Variants in CRAMP1 observed in about 807,000 individuals in gnomAD.
The protein encoded by CRAMP1 is cramped chromatin regulator 1.
In CRAMP1, 50 loss-of-function variants were observed where a neutral mutation model predicts 115.4. That is an observed-to-expected ratio of 0.43 (90% confidence interval 0.35 to 0.55). The LOEUF is 0.55. Among genes scored for constraint, CRAMP1 ranks in the 20% least tolerant of loss-of-function variants. CRAMP1 has a pLI of 0.01. For missense variants in CRAMP1, 1,679 were observed against 1,721.7 expected, an observed-to-expected ratio of 0.98 and a Z score of 0.44; for synonymous variants, 866 against 745.4, an observed-to-expected ratio of 1.16 and a Z score of -2.64.
intron 10 of CRAMP1, 41 bp from the exon 11 acceptor site, chr16:1,659,843 CAT>C (rs762871302): frequency 2.5e-6 from 4 of 1,580,456 alleles, no homozygotes; most frequent in Non-Finnish European, 3.5e-6. Context: ...AGCCATTTCT[CAT>C]GTGCTGAGTT....
intron 3 of CRAMP1, among the ~76,000 whole-genome samples, chr16:1,627,857 G>C (rs898017138): frequency 6.6e-6 from 1 of 152,136 alleles, no homozygotes; most frequent in Non-Finnish European, 1.5e-5. Flanking sequence ...GCGATTCCTG[G>C]AATGTTTTCA....
chr16:1,613,732 A>G lies in CRAMP1; in HGVS notation c.-1-907A>G, dbSNP rs2036386455. On this transcript the variant is annotated intron_variant, in intron 1 of 20. Transcript: ENST00000397412. ...ATTAATTGTTGCCAAGAGTTTTAAC[A>G]CCATTGTCTTCTACCGCTTCTTGCA... is the stretch of plus-strand genomic sequence containing the variant. Among the ~76,000 whole-genome samples the G allele has an allele frequency of 2.6e-5, 4 of 152,136 alleles. No individual in the cohort carries two copies. In the South Asian group the frequency reaches 8.3e-4, roughly 31 times the overall value.
In CRAMP1 at chr16:1,672,993, G is replaced by A. The variant is rs528915111; in HGVS notation, c.3646-888G>A. ...GTGTCCTCATGTCTCTGACGGGAAC[G>A]TGCTCCCCACATGTCCTCAGGACTG... On this transcript the variant is annotated intron_variant, in intron 20 of 20. Transcript: ENST00000397412. The surrounding 1 kb of genome is among the most constrained non-coding windows in gnomAD (Gnocchi z 4.9). 2.4e-4 allele frequency among the ~76,000 whole-genome samples: 37 copies of A among 152,290 alleles called. No individual in the cohort carries two copies. In the East Asian group the frequency reaches 3.3e-3, roughly 14 times the overall value.
chr16:1,667,499 C>G lies in CRAMP1; in HGVS notation c.3102+99C>G, dbSNP rs1596498788. ...GCAGTCTTGGAGTGGCCCGGCTTCT[C>G]TCCTAGACTGTGCAGTGGCTTTGCT... On this transcript the variant is annotated intron_variant, in intron 17 of 20. Transcript: ENST00000397412. 2.8e-5 allele frequency: 26 copies of G among 915,636 alleles called. No individual in the cohort carries two copies. The East Asian group carries it at 6.3e-4, about 22-fold the overall frequency. 56.7% of individuals were successfully genotyped at this position (915,636 alleles called of 1,614,324 possible).
At chr16:1,633,637 C>T (rs1056512833) in intron 4 of CRAMP1, among the ~76,000 whole-genome samples, 3 of 152,198 alleles carry the variant, frequency 2.0e-5, no homozygotes, top group African/African-American at 7.2e-5. Flanking sequence ...GGTCAGATCC[C>T]GTCATCCAAG....
chr16:1,641,532 A>AGGGCCTCTC (rs1020964836), intron 6 of CRAMP1, among the ~76,000 whole-genome samples: 10 of 152,050 alleles, frequency 6.6e-5, no homozygotes, highest in Admixed American at 5.2e-4. Context: ...CCCGGCTTCT[A>AGGGCCTCTC]GGGCCTCTCC....
intron 5 of CRAMP1, among the ~76,000 whole-genome samples, chr16:1,638,239 T>C (rs2036604144): frequency 6.6e-6 from 1 of 152,216 alleles, no homozygotes; most frequent in Non-Finnish European, 1.5e-5. Context: ...ATTTCTCCTA[T>C]ATAGCCTTGA....
intron 6 of CRAMP1, 70 bp from the exon 7 acceptor site, chr16:1,652,426 C>T: frequency 7.1e-7 from 1 of 1,400,634 alleles, no homozygotes; most frequent in Admixed American, 2.1e-5. Flanking sequence ...CAGCGCCTCT[C>T]CGTGTGCTGG....
At chr16:1,659,422 G>C (rs1437842311) in intron 10 of CRAMP1, among the ~76,000 whole-genome samples, 3 of 151,358 alleles carry the variant, frequency 2.0e-5, no homozygotes, top group African/African-American at 7.3e-5. Flanking sequence ...ACGGAATCTT[G>C]CTCTGTAGTC....
Position 1,669,020 on chromosome 16 carries a change from T to C in CRAMP1, c.3354T>C (p.Ser1118=). The C allele has an allele frequency of 1.2e-6, 2 of 1,613,144 alleles. No individual in the cohort carries two copies. Among genetic ancestry groups the C allele is most frequent in the Non-Finnish European group, 1.7e-6 (2 of 1,179,546 alleles). ...SGQYGEGVPL[S]PAKLNGSDSS... Reference sequence around the variant, plus strand: ...TGGCAGGTGAAGGAGTCCCTCTTTCTCCAGCAAAACTGAATGGCAGTGACA... The same window carrying C: ...TGGCAGGTGAAGGAGTCCCTCTTTCCCCAGCAAAACTGAATGGCAGTGACA... The change falls in exon 19 of 21, where the codon TCT becomes TCC. Residue 1118 remains serine (S), a synonymous_variant. Transcript: ENST00000397412. This position sits in a 1 kb window ranked among gnomAD's most constrained non-coding sequence, Gnocchi z 4.6.
Position 1,672,838 on chromosome 16 carries a change from G to A in CRAMP1, c.3646-1043G>A, listed in dbSNP as rs143317406. Among the ~76,000 whole-genome samples the A allele has an allele frequency of 1.5e-3, 222 of 152,322 alleles. 3 individuals carry two copies. In the East Asian group the frequency reaches 0.023, roughly 16 times the overall value. ...CGGTGCCGAGGCCCTCCCGTCCTCC[G>A]TCTCCTCAGCTCTGTGCTGCCTCAC... is the stretch of plus-strand genomic sequence containing the variant. On this transcript the variant is annotated intron_variant, in intron 20 of 20. Transcript: ENST00000397412. This position sits in a 1 kb window ranked among gnomAD's most constrained non-coding sequence, Gnocchi z 4.9.
chr16:1,666,723 G>A lies in CRAMP1; in HGVS notation c.3036+123G>A, dbSNP rs2036879783. The A allele has an allele frequency of 1.1e-6, 1 of 910,238 alleles. No homozygotes were observed. The highest frequency in any genetic ancestry group is 1.6e-5 in the African/African-American group (1 of 60,704). The allele number at this position is 910,238 out of a possible 1,614,324, so 56.4% of individuals were successfully genotyped here. ...TTTGGAGGAGAGTCTCTGGACCAGG[G>A]GTGCCATGGCATAAGCAAACTCTGT... On this transcript the variant is annotated intron_variant, in intron 16 of 20. Coordinates refer to ENST00000397412, the MANE Select transcript of CRAMP1 (RefSeq NM_020825.4). The surrounding 1 kb of genome is among the most constrained non-coding windows in gnomAD (Gnocchi z 5.0).
At chr16:1,651,859 C>T (rs1184283383) in intron 6 of CRAMP1, among the ~76,000 whole-genome samples, 6 of 148,800 alleles carry the variant, frequency 4.0e-5, no homozygotes, top group African/African-American at 1.5e-4. Flanking sequence ...GAAAGGTGGA[C>T]TGAGGTCACA....
intron 11 of CRAMP1, among the ~76,000 whole-genome samples, chr16:1,661,151 A>G (rs1466615437): frequency 6.6e-6 from 1 of 152,184 alleles, no homozygotes; most frequent in Non-Finnish European, 1.5e-5. Context: ...CCCCATCTCT[A>G]CAAAATATAA....
At chr16:1,667,555 G>C in intron 17 of CRAMP1, 155 bp downstream of exon 17, 1 of 662,838 alleles carries the variant, frequency 1.5e-6, no homozygotes, top group Non-Finnish European at 2.7e-6. Context: ...GACTGCCCAG[G>C]GTGGATAAAT....
intron 2 of CRAMP1, among the ~76,000 whole-genome samples, chr16:1,619,900 G>T (rs1447887080): frequency 2.6e-5 from 4 of 152,184 alleles, no homozygotes; most frequent in South Asian, 2.1e-4. Flanking sequence ...TTGCAGGCAC[G>T]CCTGGAGTGT....
chr16:1,648,024 G>A (rs34032619), intron 6 of CRAMP1, among the ~76,000 whole-genome samples: 6,457 of 152,060 alleles, frequency 0.042, 198 homozygotes, highest in Middle Eastern at 0.1. Context: ...GCCTCAAGTC[G>A]GTCGCAGAAC....
At chr16:1,667,254 T>C (rs2036883673) in intron 16 of CRAMP1, 81 bp from the exon 17 acceptor site, 2 of 1,182,096 alleles carry the variant, frequency 1.7e-6, no homozygotes, top group East Asian at 4.7e-5. Context: ...ACGCCTCTTT[T>C]TCTGGAACTC....
At chr16:1,658,924 G>A (rs183097634) in intron 10 of CRAMP1, among the ~76,000 whole-genome samples, 13 of 152,242 alleles carry the variant, frequency 8.5e-5, no homozygotes, top group Non-Finnish European at 1.5e-4. Flanking sequence ...GAGCCGAGAG[G>A]CTGGGGTGCT....
Sources: allele counts gnomAD v4.1 joint callset (sites outside exome capture counted in the v4.1 genomes callset), GRCh38; gene constraint gnomAD v4.1.1; non-coding constraint Gnocchi (gnomAD v3.1); transcripts MANE v1.5; gene names NCBI Gene and HGNC (gene_info 2026-07-23, HGNC 2026-07-21).